FREM3: variants seen among roughly 807,000 people sequenced by gnomAD.
The protein encoded by FREM3 is FRAS1 related extracellular matrix 3.
In FREM3, 105 loss-of-function variants were observed where a neutral mutation model predicts 129.1. The observed-to-expected ratio is 0.81, with a 90% CI of 0.69 to 0.96. The LOEUF (loss-of-function observed/expected upper bound fraction) is 0.96. FREM3 is among the 40% of genes least tolerant of loss of function. The pLI is 0.00. For synonymous variants in FREM3, 1,014 were observed against 1,044.9 expected (o/e 0.97, Z 0.57); for missense variants, 2,593 against 2,666.3 (o/e 0.97, Z 0.61).
chr4:143,608,778 A>C (rs1738706536), intron 6 of FREM3, among the ~76,000 whole-genome samples: 1 of 152,210 alleles, frequency 6.6e-6, no homozygotes, highest in South Asian at 2.1e-4. Context: ...GTTGGAAAGA[A>C]TAGCATGAGT....
At chr4:143,634,967 C>G (rs1207249918) in intron 2 of FREM3, among the ~76,000 whole-genome samples, 1 of 152,104 alleles carries the variant, frequency 6.6e-6, no homozygotes, top group Non-Finnish European at 1.5e-5. Flanking sequence ...TCAGACCTAG[C>G]AGCAGGCAGT....
chr4:143,674,753 T>C (rs986514680), intron 2 of FREM3, among the ~76,000 whole-genome samples: 8 of 152,066 alleles, frequency 5.3e-5, no homozygotes, highest in Non-Finnish European at 1.0e-4. Context: ...TAGTCTCTGA[T>C]AAAACACACT....
intron 6 of FREM3, 66 bp from the exon 7 acceptor site, chr4:143,586,059 C>T (rs767594624): frequency 4.0e-5 from 57 of 1,436,438 alleles, no homozygotes; most frequent in Non-Finnish European, 5.0e-5. Flanking sequence ...CTCCTTTGGC[C>T]CTGTGTGAGC....
At chr4:143,652,496 A>C (rs1739530648) in intron 2 of FREM3, among the ~76,000 whole-genome samples, 1 of 152,178 alleles carries the variant, frequency 6.6e-6, no homozygotes, top group Non-Finnish European at 1.5e-5. Flanking sequence ...TAATACATAA[A>C]GAGTTTTAAA....
chr4:143,602,721 G>C (rs968162908), intron 6 of FREM3, among the ~76,000 whole-genome samples: 3 of 152,172 alleles, frequency 2.0e-5, no homozygotes, highest in African/African-American at 7.2e-5. Context: ...AACTTCAGTA[G>C]AGTCAGGCTA....
At position 143,636,068 on chromosome 4, in the gene FREM3, T is replaced by C. The variant is rs1191265603; in HGVS notation, c.5276-8308A>G. On this transcript the variant is annotated intron_variant, in intron 2 of 7. Coordinates refer to ENST00000329798, the MANE Select transcript of FREM3 (RefSeq NM_001168235.2). ...CATTGTGTGTGAGAGACCTCAGAAG[T>C]AGGGGAGTGCAGGACAAATATCATC... Among the ~76,000 whole-genome samples, 4 of 151,856 alleles carry C rather than the reference T, an allele frequency of 2.6e-5. No individual in the cohort carries two copies. The South Asian group carries it at 6.2e-4, about 24-fold the overall frequency.
chr4:143,615,824 T>A (rs1738833575), intron 5 of FREM3, among the ~76,000 whole-genome samples: 1 of 148,500 alleles, frequency 6.7e-6, no homozygotes, highest in Admixed American at 6.6e-5. Context: ...ATAGAAGGGA[T>A]TCCCATTCAG....
intron 2 of FREM3, among the ~76,000 whole-genome samples, chr4:143,659,696 C>T (rs1739669803): frequency 6.7e-6 from 1 of 149,582 alleles, no homozygotes; most frequent in Admixed American, 6.6e-5. Flanking sequence ...ACAGTCCCAC[C>T]AACAGTGTAA....
chr4:143,589,694 T>C (rs1025368366), intron 6 of FREM3, among the ~76,000 whole-genome samples: 4 of 152,222 alleles, frequency 2.6e-5, no homozygotes, highest in Non-Finnish European at 5.9e-5. Context: ...AGCTTTGTTC[T>C]TTTGGCTTAG....
intron 5 of FREM3, among the ~76,000 whole-genome samples, chr4:143,618,961 A>G (rs1738901873): frequency 6.6e-6 from 1 of 152,182 alleles, no homozygotes; most frequent in Admixed American, 6.5e-5. Flanking sequence ...TCACTTAGCC[A>G]AACAATGCAT....
intron 2 of FREM3, among the ~76,000 whole-genome samples, chr4:143,666,249 C>A (rs1444715628): frequency 1.3e-5 from 2 of 152,022 alleles, no homozygotes; most frequent in African/African-American, 4.8e-5. Context: ...ATAGGATATG[C>A]AAAAACCAAT....
chr4:143,612,552 T>C (rs986762696), intron 5 of FREM3, among the ~76,000 whole-genome samples: 3 of 152,220 alleles, frequency 2.0e-5, no homozygotes, highest in African/African-American at 7.2e-5. Context: ...TGAGTGGGTA[T>C]GTATAGGTTG....
At chr4:143,591,386 A>G (rs1738358679) in intron 6 of FREM3, among the ~76,000 whole-genome samples, 2 of 152,122 alleles carry the variant, frequency 1.3e-5, no homozygotes. Flanking sequence ...TAGTGCTATA[A>G]ATTTCCCTCT....
intron 4 of FREM3, among the ~76,000 whole-genome samples, chr4:143,623,383 T>C (rs997040394): frequency 8.5e-5 from 13 of 152,050 alleles, no homozygotes; most frequent in African/African-American, 3.1e-4. Context: ...CTTGTGGAAC[T>C]TAAGGCCTGC....
At chr4:143,673,901 A>G (rs1189714397) in intron 2 of FREM3, among the ~76,000 whole-genome samples, 2 of 152,202 alleles carry the variant, frequency 1.3e-5, no homozygotes, top group Non-Finnish European at 2.9e-5. Context: ...CATGCGCGGG[A>G]TATAATCTCC....
At chr4:143,641,874 T>C (rs1739325741) in intron 2 of FREM3, among the ~76,000 whole-genome samples, 1 of 152,178 alleles carries the variant, frequency 6.6e-6, no homozygotes, top group Non-Finnish European at 1.5e-5. Flanking sequence ...CAATAAACTG[T>C]CAAATTCATA....
intron 2 of FREM3, among the ~76,000 whole-genome samples, chr4:143,629,002 G>T (rs545138807): frequency 5.3e-5 from 8 of 152,128 alleles, no homozygotes; most frequent in South Asian, 2.1e-4. Flanking sequence ...AGGCAACAGG[G>T]TTTCCACAGA....
chr4:143,670,784 A>T (rs1739950832), intron 2 of FREM3, among the ~76,000 whole-genome samples: 1 of 152,128 alleles, frequency 6.6e-6, no homozygotes, highest in Non-Finnish European at 1.5e-5. Flanking sequence ...AGATTTTCTG[A>T]AGTGTGATTA....
chr4:143,577,634 T>A lies in FREM3; in HGVS notation c.6397A>T (p.Ser2133Cys). 3.9e-6 allele frequency: 6 copies of A among 1,537,372 alleles called. No individual in the cohort carries two copies. The highest frequency in any genetic ancestry group is 4.4e-6 in the Non-Finnish European group (5 of 1,146,912). Residue 2133 changes from serine (S) to cysteine (C), a missense_variant, in exon 8 of 8, where the codon AGT becomes TGT. Ser to Cys is a moderately radical substitution (Grantham distance 112). This residue lies in a region of FREM3 where 317 missense variants were observed against 399.0 expected (regional missense o/e 0.79). Transcript: ENST00000329798. Reference protein sequence around the residue: ...IEDTITDCKQSACSSFD With the variant: ...IEDTITDCKQCACSSFD The stretch of plus-strand genomic sequence containing the variant: ...TTTCAATCAAAGGAACTACAAGCAC[T>A]CTGCTTACAGTCCGTGATGGTGTCC...
Sources: allele counts gnomAD v4.1 joint callset (sites outside exome capture counted in the v4.1 genomes callset), GRCh38; gene constraint gnomAD v4.1.1; regional missense constraint gnomAD v4.1.1; transcripts MANE v1.5; gene names NCBI Gene and HGNC (gene_info 2026-07-23, HGNC 2026-07-21).